WDR7: variants seen among roughly 807,000 people sequenced by gnomAD.
The protein encoded by WDR7 is WD repeat-containing protein 7.
A neutral mutation model predicts 169.4 loss-of-function variants in WDR7; 46 were observed. That is an observed-to-expected ratio of 0.27 (90% CI 0.21 to 0.35). The LOEUF (loss-of-function observed/expected upper bound fraction) is 0.35, where lower values mean the gene tolerates loss of function less well. WDR7 is among the 10% of genes least tolerant of loss of function. The pLI, the probability that WDR7 is intolerant of heterozygous loss-of-function variation, is 1.00. For synonymous variants in WDR7, 612 were observed against 666.8 expected (o/e 0.92, Z 1.27); for missense variants, 1,534 against 1,859.3 (o/e 0.83, Z 3.22).
At chr18:56,700,234 C>T (rs1324646152) in intron 12 of WDR7, among the ~76,000 whole-genome samples, 5 of 133,052 alleles carry the variant, frequency 3.8e-5, no homozygotes, top group South Asian at 2.5e-4. Context: ...TTTAAAGATA[C>T]TGTTTATTTT....
intron 20 of WDR7, among the ~76,000 whole-genome samples, chr18:56,848,566 T>A (rs1048203027): frequency 6.6e-6 from 1 of 152,172 alleles, no homozygotes; most frequent in African/African-American, 2.4e-5. Flanking sequence ...TCCAAATTTC[T>A]TGTTGAAATG....
intron 20 of WDR7, among the ~76,000 whole-genome samples, chr18:56,846,725 G>T (rs898576290): frequency 6.6e-6 from 1 of 152,038 alleles, no homozygotes; most frequent in East Asian, 1.9e-4. Flanking sequence ...TCTCTCTCTT[G>T]CTCCCTCTGT....
chr18:57,032,801 T>TTATTTTTATATATATATA (rs1210749361), downstream of WDR7: 1 of 106,190 alleles, frequency 9.4e-6, no homozygotes, highest in African/African-American at 3.2e-5. Context: ...TATAATTATT[T>TTATTTTTATATATATATA]TATATATATA....
chr18:56,996,247 G>C (rs1349942070), intron 26 of WDR7, among the ~76,000 whole-genome samples: 1 of 152,126 alleles, frequency 6.6e-6, no homozygotes. Flanking sequence ...GCTGGTAACT[G>C]CTTCTTTTTT....
chr18:56,655,490 C>T (rs1219290590), intron 1 of WDR7, among the ~76,000 whole-genome samples: 1 of 151,994 alleles, frequency 6.6e-6, no homozygotes, highest in African/African-American at 2.4e-5. Flanking sequence ...TGTGGTTGTG[C>T]ATGCCTGTAG....
intron 14 of WDR7, among the ~76,000 whole-genome samples, chr18:56,743,814 C>T (rs542080386): frequency 7.2e-5 from 11 of 152,124 alleles, no homozygotes; most frequent in Non-Finnish European, 1.0e-4. Context: ...GGAACGTTCT[C>T]GATCAGGATA....
At chr18:56,895,052 C>G (rs2046312036) in intron 21 of WDR7, among the ~76,000 whole-genome samples, 1 of 151,878 alleles carries the variant, frequency 6.6e-6, no homozygotes, top group South Asian at 2.1e-4. Flanking sequence ...AAACTAAAAG[C>G]TACGTCATCC....
At chr18:56,825,331 C>A (rs1193520907) in intron 20 of WDR7, among the ~76,000 whole-genome samples, 3 of 152,310 alleles carry the variant, frequency 2.0e-5, no homozygotes, top group Non-Finnish European at 4.4e-5. Context: ...ACCATCTTTG[C>A]AAACTTATGT....
At chr18:56,741,693 C>T (rs2043624188) in intron 14 of WDR7, among the ~76,000 whole-genome samples, 2 of 152,190 alleles carry the variant, frequency 1.3e-5, no homozygotes, top group Non-Finnish European at 2.9e-5. Context: ...CAACTCTTCT[C>T]CAGTTTGAAG....
intron 26 of WDR7, among the ~76,000 whole-genome samples, chr18:56,979,581 C>T (rs867984765): frequency 3.8e-4 from 58 of 152,208 alleles, no homozygotes; most frequent in African/African-American, 1.3e-3. Flanking sequence ...TCTCCAATTA[C>T]TCAGATCAAC....
At position 56,763,525 on chromosome 18, in the gene WDR7, G is replaced by A. The variant is rs543202145; in HGVS notation, c.2848+4572G>A. ...TTTTGTTAAGGGTGTTCATGTGTAA[G>A]TTCATGAGGAAGTTTGGTCTTTAGT... On this transcript the variant is annotated intron_variant, in intron 16 of 27. Coordinates refer to ENST00000254442, the MANE Select transcript of WDR7 (RefSeq NM_015285.3). 6.6e-5 allele frequency among the ~76,000 whole-genome samples: 10 copies of A among 152,326 alleles called. No homozygotes were observed. In the South Asian group the frequency reaches 2.1e-3, roughly 32 times the overall value.
intron 1 of WDR7, among the ~76,000 whole-genome samples, chr18:56,665,808 A>G (rs989944784): frequency 1.3e-5 from 2 of 152,146 alleles, no homozygotes; most frequent in Non-Finnish European, 2.9e-5. Context: ...ACTCAGGCTT[A>G]TTAGGGAGTG....
intron 19 of WDR7, chr18:56,782,179 G>C (rs60242762): frequency 2.0e-5 from 3 of 152,118 alleles, no homozygotes; most frequent in African/African-American, 4.8e-5. Context: ...TAGAAAAATT[G>C]TTGAAATTTT....
intron 19 of WDR7, among the ~76,000 whole-genome samples, chr18:56,808,391 T>G (rs1226824825): frequency 6.6e-6 from 1 of 152,216 alleles, no homozygotes; most frequent in African/African-American, 2.4e-5. Context: ...TCTGCCATTC[T>G]TTTGGATCTA....
intron 2 of WDR7, among the ~76,000 whole-genome samples, chr18:56,675,227 C>T (rs1026463816): frequency 6.6e-6 from 1 of 152,036 alleles, no homozygotes; most frequent in Non-Finnish European, 1.5e-5. Flanking sequence ...ATTTTAGAAT[C>T]AGCTTGTCAA....
At chr18:56,743,912 C>T (rs2043659225) in intron 14 of WDR7, among the ~76,000 whole-genome samples, 1 of 152,032 alleles carries the variant, frequency 6.6e-6, no homozygotes. Flanking sequence ...GGCAGTTGGC[C>T]TTGATGTGGA....
chr18:56,955,002 T>C (rs2047232391), intron 25 of WDR7, among the ~76,000 whole-genome samples: 1 of 152,110 alleles, frequency 6.6e-6, no homozygotes, highest in Non-Finnish European at 1.5e-5. Flanking sequence ...TAAAATCTAG[T>C]AAGGAAATGA....
At chr18:56,685,784 T>C (rs879717029) in intron 5 of WDR7, among the ~76,000 whole-genome samples, 172 bp from the exon 6 acceptor site, 3 of 152,258 alleles carry the variant, frequency 2.0e-5, no homozygotes, top group African/African-American at 4.8e-5. Flanking sequence ...GCCATCTTTA[T>C]TAACTTGTGT....
At chr18:56,911,984 G>A (rs1017648044) in intron 21 of WDR7, among the ~76,000 whole-genome samples, 10 of 152,292 alleles carry the variant, frequency 6.6e-5, no homozygotes, top group African/African-American at 2.2e-4. Context: ...CTGAGCATGA[G>A]CCTTTGACTG....
Sources: allele counts gnomAD v4.1 joint callset (sites outside exome capture counted in the v4.1 genomes callset), GRCh38; gene constraint gnomAD v4.1.1; transcripts MANE v1.5; gene names NCBI Gene and HGNC (gene_info 2026-07-23, HGNC 2026-07-21).